The following COP1 variants were observed in gnomAD, a reference collection of about 807,000 sequenced individuals.
COP1 encodes COP1 E3 ubiquitin ligase, also known as E3 ubiquitin-protein ligase COP1.
In COP1, 24 loss-of-function variants were observed where a neutral mutation model predicts 101.3. The ratio of observed to expected loss-of-function variants is 0.24; its 90% CI spans 0.17 to 0.33. COP1 has a LOEUF of 0.33. COP1 is among the 10% of genes least tolerant of loss of function. COP1 has a pLI of 1.00. For synonymous variants in COP1, 347 were observed against 341.9 expected (o/e 1.01, Z -0.17); for missense variants, 663 against 906.2 (o/e 0.73, Z 3.45).
intron 11 of COP1, among the ~76,000 whole-genome samples, chr1:176,058,923 CTT>C (rs899538922): frequency 6.6e-6 from 1 of 152,196 alleles, no homozygotes; most frequent in Non-Finnish European, 1.5e-5. Flanking sequence ...CTTGACAACA[CTT>C]TGAGAGCTTA....
chr1:176,193,976 G>C (rs1389598336), intron 1 of COP1, among the ~76,000 whole-genome samples: 1 of 152,064 alleles, frequency 6.6e-6, no homozygotes, highest in African/African-American at 2.4e-5. Flanking sequence ...AAGGAACAGA[G>C]AACTAACACT....
In COP1 at chr1:176,105,892, T is replaced by C. The variant is rs547578005; in HGVS notation, c.1026+10732A>G. 2.6e-5 allele frequency among the ~76,000 whole-genome samples: 4 copies of C among 152,308 alleles called. No individual in the cohort carries two copies. The East Asian group carries it at 7.7e-4, about 29-fold the overall frequency. ...AGTGACTGAAACCACCTTTGCAAAA[T>C]TATGACTAAGACAGTGAAAGAGATC... On this transcript the variant is annotated intron_variant, in intron 9 of 19. Coordinates refer to ENST00000367669, the MANE Select transcript of COP1 (RefSeq NM_022457.7).
chr1:176,144,045 A>G (rs1691183557), intron 6 of COP1, among the ~76,000 whole-genome samples: 1 of 152,166 alleles, frequency 6.6e-6, no homozygotes. Flanking sequence ...TGAGATCAGC[A>G]TCAAGACTAG....
intron 9 of COP1, among the ~76,000 whole-genome samples, chr1:176,096,790 T>C (rs1014221510): frequency 6.6e-6 from 1 of 152,180 alleles, no homozygotes. Flanking sequence ...CTGTAGCCAA[T>C]CTGGTCTGCT....
intron 5 of COP1, among the ~76,000 whole-genome samples, chr1:176,155,655 T>C (rs1450967613): frequency 7.9e-5 from 12 of 151,892 alleles, no homozygotes; most frequent in African/African-American, 2.9e-4. Flanking sequence ...GAACAGATCC[T>C]CTTGTTGCAT....
At chr1:176,176,359 C>T (rs1696931096) in intron 2 of COP1, among the ~76,000 whole-genome samples, 1 of 152,048 alleles carries the variant, frequency 6.6e-6, no homozygotes, top group Non-Finnish European at 1.5e-5. Flanking sequence ...ATATTATTGG[C>T]CTGCGAATAC....
intron 15 of COP1, among the ~76,000 whole-genome samples, chr1:176,025,833 T>C (rs1667572366): frequency 6.6e-6 from 1 of 151,946 alleles, no homozygotes; most frequent in African/African-American, 2.4e-5. Context: ...CAGGCTGCAG[T>C]GAGCTGTGAT....
chr1:176,100,038 A>T (rs1683116639), intron 9 of COP1, among the ~76,000 whole-genome samples: 1 of 152,218 alleles, frequency 6.6e-6, no homozygotes, highest in Non-Finnish European at 1.5e-5. Flanking sequence ...CAGGCCAAGT[A>T]TAAGACTAAG....
chr1:175,976,840 T>C (rs1654717106), intron 18 of COP1, among the ~76,000 whole-genome samples: 1 of 152,178 alleles, frequency 6.6e-6, no homozygotes, highest in Non-Finnish European at 1.5e-5. Context: ...GAACTTCTTA[T>C]TTATCAGGTT....
chr1:176,196,071 T>A (rs1699651544), intron 1 of COP1, among the ~76,000 whole-genome samples: 1 of 151,992 alleles, frequency 6.6e-6, no homozygotes, highest in Non-Finnish European at 1.5e-5. Context: ...ACAAGGGAAA[T>A]GAGAAGTATT....
At chr1:176,197,618 A>T (rs1699833973) in intron 1 of COP1, among the ~76,000 whole-genome samples, 1 of 152,206 alleles carries the variant, frequency 6.6e-6, no homozygotes, top group Non-Finnish European at 1.5e-5. Flanking sequence ...TTCACAGACC[A>T]GTATCACTCA....
intron 1 of COP1, among the ~76,000 whole-genome samples, chr1:176,188,417 C>T (rs1165578378): frequency 6.6e-6 from 1 of 152,100 alleles, no homozygotes; most frequent in African/African-American, 2.4e-5. Context: ...AATATACCAA[C>T]AGTAGGTTAA....
intron 18 of COP1, among the ~76,000 whole-genome samples, chr1:175,975,978 A>G (rs538670566): frequency 9.0e-4 from 137 of 152,278 alleles, no homozygotes; most frequent in African/African-American, 3.1e-3. Flanking sequence ...TTTTGCTATC[A>G]ATGACATTTC....
At chr1:176,109,105 T>A (rs931323636) in intron 9 of COP1, among the ~76,000 whole-genome samples, 2 of 152,044 alleles carry the variant, frequency 1.3e-5, no homozygotes, top group African/African-American at 2.4e-5. Flanking sequence ...AGTGAGACTC[T>A]GTCTCAAAAA....
chr1:176,151,358 AAAGAAAGAAAGAAAGAAAG>A (rs1558211704), intron 5 of COP1, among the ~76,000 whole-genome samples: 2 of 31,336 alleles, frequency 6.4e-5, no homozygotes, highest in Non-Finnish European at 1.6e-4. Flanking sequence ...AAAGAAAAAG[AAAGAAAGAAAGAAAGAAAG>A]AAAGAAAGAA....
intron 18 of COP1, among the ~76,000 whole-genome samples, chr1:175,950,207 T>G (rs1184833643): frequency 1.3e-5 from 2 of 148,358 alleles, no homozygotes; most frequent in African/African-American, 4.9e-5. Context: ...ATAAATACTT[T>G]ATGTGTTAAA....
chr1:175,975,183 C>T (rs1488203039), intron 18 of COP1, among the ~76,000 whole-genome samples: 1 of 151,964 alleles, frequency 6.6e-6, no homozygotes, highest in African/African-American at 2.4e-5. Context: ...TATATAAAAG[C>T]TTCTAAGTTA....
chr1:176,094,173 T>C (rs77883966), intron 9 of COP1, among the ~76,000 whole-genome samples: 5,112 of 152,278 alleles, frequency 0.034, 118 homozygotes, highest in Non-Finnish European at 0.047. Context: ...GTTTTACTTA[T>C]TTGGCTTCCA....
At chr1:175,976,624 A>T (rs1017109128) in intron 18 of COP1, among the ~76,000 whole-genome samples, 3 of 152,090 alleles carry the variant, frequency 2.0e-5, no homozygotes, top group African/African-American at 7.2e-5. Context: ...AGTTTGCACC[A>T]CTATAGTCCT....
Sources: gnomAD v4.1 joint callset for allele counts (sites outside exome capture counted in the v4.1 genomes callset) on GRCh38, gnomAD v4.1.1 for gene constraint, MANE v1.5 for transcripts, NCBI Gene and HGNC (gene_info 2026-07-23, HGNC 2026-07-21) for gene names.